Variants in AGT observed in about 807,000 individuals in gnomAD.
AGT encodes angiotensinogen.
A neutral mutation model predicts 28.1 loss-of-function variants in AGT; 26 were observed. That is an observed-to-expected ratio of 0.92 (90% confidence interval 0.68 to 1.28). AGT has a LOEUF of 1.28. Among genes scored for constraint, AGT ranks in the 50% most tolerant of loss-of-function variants. AGT has a pLI of 0.00. For synonymous variants in AGT, 259 were observed against 259.6 expected (o/e 1.00, Z 0.02); for missense variants, 596 against 592.3 (o/e 1.01, Z -0.06).
chr1:230,708,444 C>T (rs1336494836), intron 2 of AGT, among the ~76,000 whole-genome samples: 1 of 152,186 alleles, frequency 6.6e-6, no homozygotes, highest in Admixed American at 6.5e-5. Flanking sequence ...TGCTGCCACC[C>T]TCAACCGGGC....
At chr1:230,719,715 C>T (rs1218389171) in intron 1 of AGT, among the ~76,000 whole-genome samples, 1 of 152,148 alleles carries the variant, frequency 6.6e-6, no homozygotes, top group African/African-American at 2.4e-5. Context: ...CTAATTGCAG[C>T]ACATTTCAAA....
chr1:230,703,886 C>T (rs1056153603), intron 4 of AGT, among the ~76,000 whole-genome samples: 1 of 152,208 alleles, frequency 6.6e-6, no homozygotes, highest in Non-Finnish European at 1.5e-5. Flanking sequence ...TGCTTGCTGT[C>T]TTCATCCCGG....
At chr1:230,705,525 G>A (rs1352611768) in intron 3 of AGT, among the ~76,000 whole-genome samples, 3 of 152,222 alleles carry the variant, frequency 2.0e-5, no homozygotes, top group Non-Finnish European at 2.9e-5. Context: ...CCCCGCTCAC[G>A]CGAAGTCCGA....
chr1:230,718,594 T>TAA (rs56906111), upstream of AGT, among the ~76,000 whole-genome samples: 251 of 148,182 alleles, frequency 1.7e-3, 1 homozygote, highest in Non-Finnish European at 2.0e-3. Flanking sequence ...ATATTCACTT[T>TAA]AAAAAAAAAA....
chr1:230,715,795 T>C (rs1475630439), upstream of AGT, among the ~76,000 whole-genome samples: 1 of 152,330 alleles, frequency 6.6e-6, no homozygotes, highest in African/African-American at 2.4e-5. Flanking sequence ...ATTCACTCAC[T>C]ATTCCTGGTG....
At chr1:230,738,822 G>A (rs1428928944) in intron 1 of AGT, among the ~76,000 whole-genome samples, 1 of 152,142 alleles carries the variant, frequency 6.6e-6, no homozygotes, top group Non-Finnish European at 1.5e-5. Flanking sequence ...CACAACTGTA[G>A]ATGTAGGTGA....
chr1:230,734,820 C>T lies in AGT; in HGVS notation c.-31+10695G>A, dbSNP rs372202671. On this transcript the variant is annotated intron_variant, in intron 1 of 4. Transcript: ENST00000681269. ...CACCTCCCGGGTTCATGCCACTCTCCTGCCTCAGCCTCCCAAGTAGCTGGG... is the reference window on the plus strand; with the variant it reads ...CACCTCCCGGGTTCATGCCACTCTCTTGCCTCAGCCTCCCAAGTAGCTGGG... Among the ~76,000 whole-genome samples the T allele has an allele frequency of 4.4e-3, 677 of 152,218 alleles. 5 individuals carry two copies. The highest frequency in any genetic ancestry group is 0.014 in the African/African-American group (575 of 41,534).
intron 2 of AGT, among the ~76,000 whole-genome samples, chr1:230,706,470 G>T (rs1400343818): frequency 1.3e-5 from 2 of 152,296 alleles, no homozygotes; most frequent in East Asian, 3.9e-4. Flanking sequence ...CAAACCGGGG[G>T]TTTTGCATCT....
chr1:230,723,046 G>A (rs1211053888), intron 1 of AGT, among the ~76,000 whole-genome samples: 1 of 152,200 alleles, frequency 6.6e-6, no homozygotes, highest in Non-Finnish European at 1.5e-5. Context: ...TGTGTCAAGA[G>A]AGGGAGGTGA....
intron 1 of AGT, among the ~76,000 whole-genome samples, chr1:230,738,464 T>G (rs1008950750): frequency 1.3e-5 from 2 of 152,236 alleles, no homozygotes; most frequent in Non-Finnish European, 2.9e-5. Flanking sequence ...ACAGCTATGA[T>G]TGTCAGTGGC....
intron 1 of AGT, among the ~76,000 whole-genome samples, chr1:230,743,722 G>T (rs1266196724): frequency 6.6e-6 from 1 of 152,366 alleles, no homozygotes; most frequent in South Asian, 2.1e-4. Context: ...CCTGGACCGG[G>T]TGGGGTCCTA....
chr1:230,742,499 T>C (rs923942217), intron 1 of AGT, among the ~76,000 whole-genome samples: 11 of 152,134 alleles, frequency 7.2e-5, no homozygotes, highest in Admixed American at 6.6e-4. Context: ...GTATTTCTAA[T>C]AGAGACAGGG....
Position 230,704,199 on chromosome 1 carries a change from C to T in AGT, c.1236G>A (p.Val412=), listed in dbSNP as rs557964080. Residue 412 remains valine, a synonymous_variant, in exon 4 of 5, where the codon GTG becomes GTA. Transcript: ENST00000366667. The stretch of plus-strand genomic sequence containing the variant: ...GACACAGGCTCACACATACCTCCCC[C>T]ACCCTGATGCGGTCATTGCTCAATT... ...LQKLSNDRIR[V]GEVLNSIFFE... 6.2e-7 allele frequency: 1 copy of T among 1,614,272 alleles called. No individual in the cohort carries two copies. Among genetic ancestry groups the T allele is most frequent in the Non-Finnish European group, 8.5e-7 (1 of 1,180,046 alleles).
At chr1:230,713,758 G>C (rs567340443) in intron 1 of AGT, among the ~76,000 whole-genome samples, 17 of 152,274 alleles carry the variant, frequency 1.1e-4, no homozygotes, top group Admixed American at 1.0e-3. Flanking sequence ...TATTCCTCCT[G>C]ATGGCAAGAG....
intron 1 of AGT, among the ~76,000 whole-genome samples, chr1:230,733,426 G>A (rs1571987283): frequency 6.6e-6 from 1 of 152,092 alleles, no homozygotes; most frequent in Non-Finnish European, 1.5e-5. Flanking sequence ...ATCAAAGGGC[G>A]ATGCTTATGA....
At chr1:230,730,136 T>C (rs13376410) in intron 1 of AGT, among the ~76,000 whole-genome samples, 1 of 151,682 alleles carries the variant, frequency 6.6e-6, no homozygotes, top group Non-Finnish European at 1.5e-5. Context: ...GGCCAGGCTG[T>C]TCTCAAACTC....
At chr1:230,743,882 C>G (rs1983900) in intron 1 of AGT, among the ~76,000 whole-genome samples, 17,611 of 152,244 alleles carry the variant, frequency 0.12, 1,340 homozygotes, top group African/African-American at 0.21. Flanking sequence ...GAGTTCGCCA[C>G]AGGCCTGAGT....
chr1:230,712,449 G>A (rs1252302688), intron 1 of AGT, among the ~76,000 whole-genome samples: 1 of 152,206 alleles, frequency 6.6e-6, no homozygotes, highest in East Asian at 1.9e-4. Context: ...CTCAGGAAGA[G>A]CCACATGACA....
At chr1:230,743,254 G>A (rs1438525591) in intron 1 of AGT, among the ~76,000 whole-genome samples, 2 of 152,172 alleles carry the variant, frequency 1.3e-5, no homozygotes, top group Non-Finnish European at 2.9e-5. Flanking sequence ...GCCTCCCAAA[G>A]TGCTGGGATT....
Sources: gnomAD v4.1 joint callset for allele counts (sites outside exome capture counted in the v4.1 genomes callset) on GRCh38, gnomAD v4.1.1 for gene constraint, MANE v1.5 for transcripts, NCBI Gene and HGNC (gene_info 2026-07-23, HGNC 2026-07-21) for gene names.